Variants in VWDE observed in about 807,000 individuals in gnomAD.
VWDE encodes von Willebrand factor D and EGF domains.
Under a neutral mutation model 178.4 loss-of-function variants are expected in VWDE, and 207 were observed. That is an observed-to-expected ratio of 1.16 (90% CI 1.04 to 1.30). The LOEUF is 1.30. Among genes scored for constraint, VWDE ranks in the 50% most tolerant of loss-of-function variants. VWDE has a pLI of 0.00. For synonymous variants in VWDE, 738 were observed against 651.4 expected, an observed-to-expected ratio of 1.13 and a Z score of -2.02; for missense variants, 2,287 against 1,901.3, an observed-to-expected ratio of 1.20 and a Z score of -3.77.
intron 3 of VWDE, among the ~76,000 whole-genome samples, chr7:12,385,920 T>C (rs548636950): frequency 2.0e-5 from 3 of 152,158 alleles, no homozygotes; most frequent in Non-Finnish European, 4.4e-5. Context: ...TGGATGATAG[T>C]GACATTAACA....
At position 12,398,026 on chromosome 7, in the gene VWDE, G is replaced by T. The variant is rs147858827; in HGVS notation, c.59-4248C>A. On this transcript the variant is annotated intron_variant, in intron 1 of 28. Coordinates refer to ENST00000275358, the MANE Select transcript of VWDE (RefSeq NM_001135924.3). The stretch of plus-strand genomic sequence containing the variant: ...GAGATTTCTCAAAGAACTGAAAAAA[G>T]AACTATCATTCAACCTAGCAATCCC... Among the ~76,000 whole-genome samples the T allele has an allele frequency of 1.8e-3, 270 of 152,224 alleles. 1 individual carries two copies. The highest frequency in any genetic ancestry group is 6.3e-3 in the African/African-American group (263 of 41,540).
intron 18 of VWDE, chr7:12,354,234 T>G: frequency 3.2e-6 from 1 of 314,616 alleles, no homozygotes; most frequent in Non-Finnish European, 6.2e-6. Flanking sequence ...GTTCAATGCA[T>G]GACACTTAAT....
chr7:12,394,317 T>TA (rs56103501), intron 1 of VWDE, among the ~76,000 whole-genome samples: 65,290 of 151,946 alleles, frequency 0.43, 14,404 homozygotes, highest in East Asian at 0.5. Context: ...AGAAAAACAT[T>TA]AAAAATTTTA....
rs577379257 is a variant in VWDE, at chr7:12,358,271, G to T, written c.3275-756C>A. ...TACCTGTAATTCCAGCTACTTGGGA[G>T]GCTGAAGCAGGAGAATTGCTTGAAC... On this transcript the variant is annotated intron_variant, in intron 16 of 28. Transcript: ENST00000275358. Among the ~76,000 whole-genome samples, 38 of 152,058 alleles carry T rather than the reference G, an allele frequency of 2.5e-4. No individual in the cohort carries two copies. The South Asian group carries it at 7.9e-3, about 32-fold the overall frequency.
chr7:12,371,084 C>A (rs1783173027), intron 10 of VWDE, among the ~76,000 whole-genome samples: 1 of 151,946 alleles, frequency 6.6e-6, no homozygotes, highest in South Asian at 2.1e-4. Context: ...CCATACTGAT[C>A]TTTTTATTGA....
chr7:12,397,160 A>C (rs1015316510), intron 1 of VWDE, among the ~76,000 whole-genome samples: 2 of 152,106 alleles, frequency 1.3e-5, no homozygotes, highest in African/African-American at 4.8e-5. Flanking sequence ...ACATTACCCA[A>C]CTTCATACTA....
At position 12,370,302 on chromosome 7, in the gene VWDE, G is replaced by C; in HGVS notation, c.2004C>G (p.Thr668=). 6.4e-7 allele frequency: 1 copy of C among 1,551,104 alleles called. No individual in the cohort carries two copies. The highest frequency in any genetic ancestry group is 8.7e-7 in the Non-Finnish European group (1 of 1,146,816). The part of the protein sequence containing the change: ...LSSLIPELDV[T]SEYINSDTLV... The stretch of plus-strand genomic sequence containing the variant: ...GAGTGTCTGAATTAATATATTCGGA[G>C]GTGACATCTAGTTCTGGTATCAAAG... Residue 668 remains threonine (T), a synonymous_variant, in exon 12 of 29, where the codon ACC becomes ACG. Coordinates refer to ENST00000275358, the MANE Select transcript of VWDE (RefSeq NM_001135924.3).
chr7:12,374,569 C>G (rs925844289), intron 9 of VWDE, 120 bp downstream of exon 9: 1 of 636,620 alleles, frequency 1.6e-6, no homozygotes, highest in Admixed American at 3.6e-5. Flanking sequence ...GCCAGTAATG[C>G]CTTTCTGTCT....
chr7:12,357,122 G>A, intron 17 of VWDE, 143 bp downstream of exon 17: 2 of 1,080,050 alleles, frequency 1.9e-6, no homozygotes, highest in Admixed American at 2.9e-5. Context: ...AATAGTCAAA[G>A]TTTCGGCAGT....
chr7:12,395,930 T>C (rs1312215921), intron 1 of VWDE, among the ~76,000 whole-genome samples: 2 of 152,162 alleles, frequency 1.3e-5, no homozygotes, highest in African/African-American at 4.8e-5. Context: ...GTCAAGTTCA[T>C]AGCATGATAT....
At position 12,346,708 on chromosome 7, in the gene VWDE, C is replaced by T. The variant is rs144507101; in HGVS notation, c.3887-2239G>A. Among the ~76,000 whole-genome samples, 749 of 152,048 alleles carry T rather than the reference C, an allele frequency of 4.9e-3. 1 individual carries two copies. The highest frequency in any genetic ancestry group is 6.2e-3 in the Admixed American group (94 of 15,248). On this transcript the variant is annotated intron_variant, in intron 19 of 28. Coordinates refer to ENST00000275358, the MANE Select transcript of VWDE (RefSeq NM_001135924.3). ...ACTTCTTTGGTATGGAAAAATCTAA[C>T]GGGTTTTAGAGTATGAACACATTTT...
intron 19 of VWDE, among the ~76,000 whole-genome samples, 162 bp downstream of exon 19, chr7:12,351,411 G>T (rs902959901): frequency 6.6e-6 from 1 of 152,126 alleles, no homozygotes; most frequent in Admixed American, 6.5e-5. Context: ...CCAGATGATT[G>T]AATAGATTAG....
chr7:12,357,146 C>T (rs1782291723), intron 17 of VWDE, 119 bp downstream of exon 17: 2 of 1,299,532 alleles, frequency 1.5e-6, no homozygotes, highest in South Asian at 1.6e-5. Context: ...ATTTTCCATA[C>T]AATGTTTAAT....
rs754423319 is a variant in VWDE at position 12,379,526 on chromosome 7, T to A, written c.830A>T (p.His277Leu). 23 of 1,550,676 alleles carry A rather than the reference T, an allele frequency of 1.5e-5. No homozygotes were observed. The highest frequency in any genetic ancestry group is 1.7e-4 in the Middle Eastern group (1 of 5,996). ...GCTTTCGATGGCTACACTTTGTACA[T>A]GAGGATTCTCCAAGAAAAAGACAGA... The part of the protein sequence containing the change: ...SASVFFLENP[H>L]VQSVAIESQE... The change falls in exon 6 of 29, where the codon CAT (histidine) becomes CTT (leucine). Residue 277 changes from histidine (H) to leucine (L), a missense_variant. Physicochemically the swap from His to Leu is moderately conservative, Grantham distance 99. Coordinates refer to ENST00000275358, the MANE Select transcript of VWDE (RefSeq NM_001135924.3).
chr7:12,393,834 C>A, intron 1 of VWDE, 56 bp from the exon 2 acceptor site: 1 of 1,391,866 alleles, frequency 7.2e-7, no homozygotes, highest in South Asian at 1.7e-5. Context: ...TGACATAGTT[C>A]GGTCCTCAAT....
chr7:12,400,525 A>C (rs1329351542), intron 1 of VWDE, among the ~76,000 whole-genome samples: 3 of 152,156 alleles, frequency 2.0e-5, no homozygotes, highest in African/African-American at 7.2e-5. Context: ...ATCCAAATAG[A>C]TTTATAACAA....
At chr7:12,340,507 A>C (rs1443696115) in intron 23 of VWDE, 90 bp from the exon 24 acceptor site, 1 of 895,792 alleles carries the variant, frequency 1.1e-6, no homozygotes, top group African/African-American at 1.7e-5. Flanking sequence ...TGCATAATGA[A>C]ATATTTTATT....
chr7:12,378,409 A>T (rs1238255692), intron 6 of VWDE, among the ~76,000 whole-genome samples: 4 of 152,224 alleles, frequency 2.6e-5, no homozygotes, highest in African/African-American at 9.7e-5. Context: ...ATTTCTCAGC[A>T]TCTGATTTCC....
At chr7:12,383,404 T>C (rs896545800) in intron 4 of VWDE, 132 bp downstream of exon 4, 33 of 729,250 alleles carry the variant, frequency 4.5e-5, no homozygotes, top group Non-Finnish European at 6.6e-5. Context: ...TATTTTTATT[T>C]TTGATAGCTA....
Sources: allele counts gnomAD v4.1 joint callset (sites outside exome capture counted in the v4.1 genomes callset), GRCh38; gene constraint gnomAD v4.1.1; transcripts MANE v1.5; gene names NCBI Gene and HGNC (gene_info 2026-07-23, HGNC 2026-07-21).